Variants in DCAF12 observed in about 807,000 individuals in gnomAD.
DCAF12 encodes DDB1 and CUL4 associated factor 12, also known as DDB1- and CUL4-associated factor 12.
A neutral mutation model predicts 52.8 loss-of-function variants in DCAF12; 28 were observed. The ratio of observed to expected loss-of-function variants is 0.53; its 90% CI spans 0.39 to 0.73. DCAF12 has a LOEUF of 0.73. Among genes scored for constraint, DCAF12 ranks in the 30% least tolerant of loss-of-function variants. The pLI, the probability that DCAF12 is intolerant of heterozygous loss-of-function variation, is 0.00. For missense variants in DCAF12, 425 were observed against 552.2 expected, an observed-to-expected ratio of 0.77 and a Z score of 2.31; for synonymous variants, 196 against 215.5, an observed-to-expected ratio of 0.91 and a Z score of 0.79.
chr9:34,093,491 G>T (rs765766345), intron 6 of DCAF12, 43 bp from the exon 7 acceptor site: 1 of 1,601,830 alleles, frequency 6.2e-7, no homozygotes, highest in Admixed American at 1.7e-5. Context: ...CAGCAGAGAG[G>T]GTAAGGCAGG....
chr9:34,087,033 G>C lies in DCAF12; in HGVS notation c.*1317C>G, dbSNP rs996014645. 3 of 152,178 alleles carry C rather than the reference G, an allele frequency of 2.0e-5. No individual in the cohort carries two copies. The highest frequency in any genetic ancestry group is 2.1e-4 in the South Asian group (1 of 4,830). The allele number at this position is 152,178 out of a possible 1,614,324, so 9.4% of individuals were successfully genotyped here. Reference sequence around the variant, plus strand: ...AAGTGGACATCACAGTCAGCTGCCTGCAAGTTTAAAAACCTCAGACTAAAC... The same window carrying C: ...AAGTGGACATCACAGTCAGCTGCCTCCAAGTTTAAAAACCTCAGACTAAAC... On this transcript the variant is annotated 3_prime_UTR_variant, in exon 9 of 9. Coordinates refer to ENST00000361264, the MANE Select transcript of DCAF12 (RefSeq NM_015397.4).
At chr9:34,092,579 G>A (rs963083588) in intron 7 of DCAF12, among the ~76,000 whole-genome samples, 2 of 151,832 alleles carry the variant, frequency 1.3e-5, no homozygotes, top group African/African-American at 4.8e-5. Flanking sequence ...CCACCTACTC[G>A]CGAGGCTGAG....
In DCAF12 at chr9:34,105,970, G is replaced by A. The variant is rs1163227454; in HGVS notation, c.601+464C>T. ...TCACCATGCTGGCCAGCCTGGTCTC[G>A]AACTCCTGACCTCATAATCCACCCA... On this transcript the variant is annotated intron_variant, in intron 4 of 8. Transcript: ENST00000361264. 2.0e-5 allele frequency among the ~76,000 whole-genome samples: 3 copies of A among 151,938 alleles called. 1 individual carries two copies. Among genetic ancestry groups the A allele is most frequent in the Admixed American group, 6.6e-5 (1 of 15,248 alleles).
intron 2 of DCAF12, among the ~76,000 whole-genome samples, chr9:34,110,763 G>A (rs967473151): frequency 1.3e-5 from 2 of 150,810 alleles, no homozygotes; most frequent in African/African-American, 4.9e-5. Flanking sequence ...GCACCTGGGT[G>A]ACAGAGCAAG....
chr9:34,095,083 CT>C (rs60125831), intron 6 of DCAF12, among the ~76,000 whole-genome samples: 44,816 of 148,034 alleles, frequency 0.3, 7,302 homozygotes, highest in East Asian at 0.68. Context: ...ACTTTGGAGG[CT>C]TTTTTTTTTG....
At position 34,126,569 on chromosome 9, in the gene DCAF12, G is replaced by A; in HGVS notation, c.-138C>T. The A allele has an allele frequency of 1.1e-6, 1 of 921,580 alleles. No individual in the cohort carries two copies. The highest frequency in any genetic ancestry group is 1.6e-6 in the Non-Finnish European group (1 of 634,072). 57.1% of individuals were successfully genotyped at this position (921,580 alleles called of 1,614,324 possible). A position where few individuals can be genotyped will look rare whatever the true frequency, so the allele number is the denominator to read the frequency against. ...CCGGAAAATGGCCCGGACCCGGAGC[G>A]GCAGCAGAAAAAAGATAGGCGGAAA... On this transcript the variant is annotated 5_prime_UTR_variant, in exon 1 of 9. Transcript: ENST00000361264.
chr9:34,118,150 A>T (rs1046454578), intron 2 of DCAF12, among the ~76,000 whole-genome samples: 1 of 152,034 alleles, frequency 6.6e-6, no homozygotes, highest in Non-Finnish European at 1.5e-5. Context: ...CCAAGATGGA[A>T]AAAAAGACAG....
chr9:34,112,995 G>A (rs1829028694), intron 2 of DCAF12, among the ~76,000 whole-genome samples: 1 of 152,182 alleles, frequency 6.6e-6, no homozygotes, highest in Admixed American at 6.5e-5. Context: ...TATTTGTGTT[G>A]TGTGAGACAA....
At chr9:34,110,783 C>CAACAAAACAA (rs55812352) in intron 2 of DCAF12, among the ~76,000 whole-genome samples, 20,318 of 150,080 alleles carry the variant, frequency 0.14, 1,626 homozygotes, top group South Asian at 0.31. Context: ...GACCCTGCCT[C>CAACAAAACAA]AACAAAACAA....
At chr9:34,116,175 T>C (rs1483583813) in intron 2 of DCAF12, among the ~76,000 whole-genome samples, 1 of 150,436 alleles carries the variant, frequency 6.6e-6, no homozygotes, top group East Asian at 2.0e-4. Context: ...CTGGCAAACA[T>C]GGCAAACCCT....
chr9:34,126,016 G>A (rs1270308420), intron 1 of DCAF12, among the ~76,000 whole-genome samples: 1 of 152,168 alleles, frequency 6.6e-6, no homozygotes, highest in Non-Finnish European at 1.5e-5. Context: ...ATGGAAGGTA[G>A]AGTTCACTCT....
rs188366852 is a variant in DCAF12, at chr9:34,119,037, A to C, written c.333+5986T>G. ...ACTTCCTAAGTATAACAGCATTAAG[A>C]CTTGAGGACCAGGACCATATGGTTG... On this transcript the variant is annotated intron_variant, in intron 2 of 8. Transcript: ENST00000361264. Among the ~76,000 whole-genome samples the C allele has an allele frequency of 1.3e-3, 192 of 152,234 alleles. 1 individual carries two copies. The highest frequency in any genetic ancestry group is 1.4e-3 in the Admixed American group (22 of 15,284).
chr9:34,095,171 T>A (rs1828715895), intron 6 of DCAF12, among the ~76,000 whole-genome samples: 2 of 146,712 alleles, frequency 1.4e-5, no homozygotes, highest in Non-Finnish European at 3.0e-5. Flanking sequence ...GCCTCCTGGG[T>A]TCAAGCGATT....
intron 4 of DCAF12, 26 bp from the exon 5 acceptor site, chr9:34,098,543 T>C: frequency 6.2e-7 from 1 of 1,601,844 alleles, no homozygotes; most frequent in Non-Finnish European, 8.5e-7. Flanking sequence ...AACACAGATG[T>C]CAGATGTACC....
Position 34,106,513 on chromosome 9 carries a change from A to T in DCAF12, c.541-19T>A. On this transcript the variant is annotated intron_variant, in intron 3 of 8. Coordinates refer to ENST00000361264, the MANE Select transcript of DCAF12 (RefSeq NM_015397.4). ...GTCCATCCTTGGAGAGCAGGGAGTA[A>T]CAGGTACAGGGAGGAAAATAAGAAA... is the stretch of plus-strand genomic sequence containing the variant. 6.2e-7 allele frequency: 1 copy of T among 1,600,126 alleles called. No individual in the cohort carries two copies. Among genetic ancestry groups the T allele is most frequent in the Non-Finnish European group, 8.6e-7 (1 of 1,169,122 alleles).
At chr9:34,107,705 T>TG in intron 2 of DCAF12, 140 bp from the exon 3 acceptor site, 1 of 685,530 alleles carries the variant, frequency 1.5e-6, no homozygotes, top group Non-Finnish European at 2.5e-6. Flanking sequence ...ATTAAAGGCA[T>TG]GGTCAGGACT....
intron 2 of DCAF12, 98 bp from the exon 3 acceptor site, chr9:34,107,663 TA>T: frequency 1.0e-6 from 1 of 971,564 alleles, no homozygotes; most frequent in Non-Finnish European, 1.6e-6. Context: ...AACATTTAAT[TA>T]ACAACTACTA....
At chr9:34,104,428 A>G (rs1287043249) in intron 4 of DCAF12, among the ~76,000 whole-genome samples, 3 of 152,054 alleles carry the variant, frequency 2.0e-5, no homozygotes, top group African/African-American at 7.2e-5. Context: ...TATGAGAGAG[A>G]AAGTTGGAAA....
At chr9:34,126,291 G>T (rs1396477889) in intron 1 of DCAF12, 63 bp downstream of exon 1, 6 of 1,585,270 alleles carry the variant, frequency 3.8e-6, no homozygotes, top group Non-Finnish European at 3.4e-6. Flanking sequence ...CAGGATCTGC[G>T]GACCCTAAGC....
Sources: allele counts gnomAD v4.1 joint callset (sites outside exome capture counted in the v4.1 genomes callset), GRCh38; gene constraint gnomAD v4.1.1; transcripts MANE v1.5; gene names NCBI Gene and HGNC (gene_info 2026-07-23, HGNC 2026-07-21).